RGS12: variants seen among roughly 807,000 people sequenced by gnomAD.
RGS12 encodes regulator of G-protein signaling 12.
A neutral mutation model predicts 120.1 loss-of-function variants in RGS12; 66 were observed. The ratio of observed to expected loss-of-function variants is 0.55; its 90% CI spans 0.45 to 0.67. RGS12 has a LOEUF of 0.67. RGS12 is among the 30% of genes least tolerant of loss of function. The pLI is 0.00. For missense variants in RGS12, 1,859 were observed against 1,957.7 expected, an observed-to-expected ratio of 0.95 and a Z score of 0.95; for synonymous variants, 827 against 804.7, an observed-to-expected ratio of 1.03 and a Z score of -0.47.
intron 3 of RGS12, among the ~76,000 whole-genome samples, chr4:3,371,977 A>G (rs1717053253): frequency 6.6e-6 from 1 of 152,038 alleles, no homozygotes; most frequent in Admixed American, 6.5e-5. Flanking sequence ...CTTGGAGAGA[A>G]TGGAGGCTCT....
At chr4:3,373,012 C>T (rs535355857) in intron 3 of RGS12, among the ~76,000 whole-genome samples, 17 of 152,300 alleles carry the variant, frequency 1.1e-4, no homozygotes, top group South Asian at 6.2e-4. Context: ...GTCTGCGGCC[C>T]GGCGTGGCTG....
At chr4:3,334,609 G>A (rs561469760) in intron 2 of RGS12, among the ~76,000 whole-genome samples, 5 of 151,164 alleles carry the variant, frequency 3.3e-5, no homozygotes, top group South Asian at 2.1e-4. Context: ...CCTTTTCCTC[G>A]TATATTGAAT....
chr4:3,368,450 G>GCC (rs1553809399), intron 3 of RGS12, among the ~76,000 whole-genome samples: 25,359 of 129,370 alleles, frequency 0.2, 3,512 homozygotes, highest in Middle Eastern at 0.29. Flanking sequence ...CTGTGTGTGT[G>GCC]TGGGGTGCCT....
intron 3 of RGS12, among the ~76,000 whole-genome samples, chr4:3,368,161 C>T (rs890096425): frequency 3.9e-5 from 6 of 152,186 alleles, no homozygotes; most frequent in African/African-American, 7.2e-5. Flanking sequence ...CCTCTGCTCC[C>T]GCCTGGAGAC....
chr4:3,379,475 TATC>T (rs751276845), intron 3 of RGS12, among the ~76,000 whole-genome samples: 60 of 152,350 alleles, frequency 3.9e-4, no homozygotes, highest in East Asian at 3.5e-3. Flanking sequence ...TATATTAAAA[TATC>T]ATATCACATA....
intron 16 of RGS12, among the ~76,000 whole-genome samples, chr4:3,429,817 C>A (rs983593905): frequency 6.6e-6 from 1 of 152,242 alleles, no homozygotes; most frequent in Admixed American, 6.5e-5. Context: ...TGTTGCCCCC[C>A]TCTGCCCTAG....
intron 1 of RGS12, among the ~76,000 whole-genome samples, chr4:3,307,809 G>A (rs1724057114): frequency 6.6e-6 from 1 of 152,232 alleles, no homozygotes; most frequent in Non-Finnish European, 1.5e-5. Context: ...GTTTGGGCGG[G>A]AGACGCGAAA....
In RGS12 at chr4:3,366,932, C is replaced by T. The variant is rs991784444; in HGVS notation, c.1999-19484C>T. On this transcript the variant is annotated intron_variant, in intron 3 of 17. Transcript: ENST00000336727. This position sits in a 1 kb window ranked among gnomAD's most constrained non-coding sequence, Gnocchi z 4.0. ...TCTCCTGGCCCCAGGACATAGCCCACGTGGGTCCTCACCTCTGCCCGGCTC... is the reference window on the plus strand; with the variant it reads ...TCTCCTGGCCCCAGGACATAGCCCATGTGGGTCCTCACCTCTGCCCGGCTC... Among the ~76,000 whole-genome samples, 2 of 152,208 alleles carry T rather than the reference C, an allele frequency of 1.3e-5. No individual in the cohort carries two copies. The highest frequency in any genetic ancestry group is 2.9e-5 in the Non-Finnish European group (2 of 68,030).
At position 3,365,528 on chromosome 4, in the gene RGS12, G is replaced by A. The variant is rs1045055697; in HGVS notation, c.1999-20888G>A. Among the ~76,000 whole-genome samples, 8 of 152,110 alleles carry A rather than the reference G, an allele frequency of 5.3e-5. No individual in the cohort carries two copies. Among genetic ancestry groups the A allele is most frequent in the Non-Finnish European group, 8.8e-5 (6 of 68,024 alleles). ...GCTGTAAATCCCAGCAAAAACCGAC[G>A]GAGCCCTGAGTCCGACCTAAGCCTT... is the stretch of plus-strand genomic sequence containing the variant. On this transcript the variant is annotated intron_variant, in intron 3 of 17. Coordinates refer to ENST00000336727, the MANE Select transcript of RGS12 (RefSeq NM_001394154.1). This position sits in a 1 kb window ranked among gnomAD's most constrained non-coding sequence, Gnocchi z 4.0.
rs914172224 is a variant in RGS12 at position 3,317,811 on chromosome 4, G to T, written c.1641G>T (p.Gln547His). 1.5e-5 allele frequency: 24 copies of T among 1,613,104 alleles called. No individual in the cohort carries two copies. Among genetic ancestry groups the T allele is most frequent in the Admixed American group, 5.0e-5 (3 of 60,002 alleles). The change falls in exon 2 of 18, where the codon CAG becomes CAT. Residue 547 changes from glutamine (Q) to histidine (H), a missense_variant. Coordinates refer to ENST00000336727, the MANE Select transcript of RGS12 (RefSeq NM_001394154.1). ...WLPVHVLREW[Q>H]CGHTSDQDSY... is the part of the protein sequence containing the mutation. The stretch of plus-strand genomic sequence containing the variant: ...CGGTCCACGTGCTCCGGGAGTGGCA[G>T]TGCGGACACACCAGCGACCAGGACT...
At chr4:3,291,014 C>T (rs1276294370), upstream of RGS12, among the ~76,000 whole-genome samples, 1 of 152,242 alleles carries the variant, frequency 6.6e-6, no homozygotes, top group Non-Finnish European at 1.5e-5. Flanking sequence ...TCTTGGGCCA[C>T]CCCCCTGCTG....
At chr4:3,379,311 C>G (rs1718030592) in intron 3 of RGS12, among the ~76,000 whole-genome samples, 2 of 152,082 alleles carry the variant, frequency 1.3e-5, no homozygotes, top group Non-Finnish European at 2.9e-5. Flanking sequence ...GTTAATAATG[C>G]TGCATTTATT....
chr4:3,432,266 A>G (rs1306531457), intron 17 of RGS12: 7 of 753,038 alleles, frequency 9.3e-6, no homozygotes, highest in Admixed American at 6.3e-5. Context: ...AATATCACAC[A>G]TTTTTAGGAG....
chr4:3,401,867 T>TC (rs761461213), intron 4 of RGS12, among the ~76,000 whole-genome samples: 5 of 152,274 alleles, frequency 3.3e-5, no homozygotes, highest in Non-Finnish European at 5.9e-5. Context: ...ATGGCTGGGT[T>TC]CCCCATGGAG....
At chr4:3,426,867 C>G (rs1291482601) in intron 14 of RGS12, 4 of 152,210 alleles carry the variant, frequency 2.6e-5, no homozygotes, top group Non-Finnish European at 5.9e-5. Flanking sequence ...GGAAACCCAC[C>G]TGCAGATGTT....
At chr4:3,363,716 G>C (rs904098695) in intron 3 of RGS12, among the ~76,000 whole-genome samples, 3 of 151,788 alleles carry the variant, frequency 2.0e-5, no homozygotes, top group African/African-American at 7.2e-5. Context: ...CAGGCTTGGC[G>C]GGAACAGCCC....
At chr4:3,351,285 A>T in intron 3 of RGS12, among the ~76,000 whole-genome samples, 1 of 152,114 alleles carries the variant, frequency 6.6e-6, no homozygotes, top group East Asian at 1.9e-4. Context: ...TCTGGCTCTT[A>T]AGTGTCAGAC....
intron 3 of RGS12, chr4:3,378,112 C>T (rs1349404676): frequency 1.3e-5 from 2 of 152,206 alleles, no homozygotes; most frequent in East Asian, 1.9e-4. Context: ...ACAAATAGTA[C>T]TGTATATGAG....
intron 17 of RGS12, chr4:3,432,181 G>T: frequency 2.0e-6 from 2 of 984,826 alleles, no homozygotes; most frequent in African/African-American, 3.5e-5. Context: ...CACTGGACTG[G>T]CTTACAACTT....
Sources: gnomAD v4.1 joint callset for allele counts (sites outside exome capture counted in the v4.1 genomes callset) on GRCh38, gnomAD v4.1.1 for gene constraint, Gnocchi (gnomAD v3.1) non-coding constraint, MANE v1.5 for transcripts, NCBI Gene and HGNC (gene_info 2026-07-23, HGNC 2026-07-21) for gene names.